The following PI4KB variants were observed in gnomAD, a reference collection of about 807,000 sequenced individuals.
PI4KB encodes phosphatidylinositol 4-kinase beta.
PI4KB carries 23 observed loss-of-function variants against 81.4 expected under a neutral mutation model. The ratio of observed to expected loss-of-function variants is 0.28; its 90% CI spans 0.20 to 0.40. PI4KB has a LOEUF of 0.40. Among genes scored for constraint, PI4KB ranks in the 10% least tolerant of loss-of-function variants. The pLI, the probability that PI4KB is intolerant of heterozygous loss-of-function variation, is 1.00. For missense variants in PI4KB, 651 were observed against 1,036.6 expected (o/e 0.63, Z 5.11); for synonymous variants, 381 against 406.8 (o/e 0.94, Z 0.76).
chr1:151,315,042 G>T (rs958596130), intron 2 of PI4KB, among the ~76,000 whole-genome samples: 2 of 152,088 alleles, frequency 1.3e-5, no homozygotes, highest in African/African-American at 4.8e-5. Flanking sequence ...GCAGTGGCGC[G>T]ATCTCTGGTC....
chr1:151,317,057 C>T (rs895185083), intron 1 of PI4KB, among the ~76,000 whole-genome samples: 1 of 152,104 alleles, frequency 6.6e-6, no homozygotes, highest in Non-Finnish European at 1.5e-5. Context: ...CATCTCCCAA[C>T]CTCATGATCC....
chr1:151,293,383 C>G, intron 11 of PI4KB: 1 of 1,311,274 alleles, frequency 7.6e-7, no homozygotes, highest in Non-Finnish European at 1.0e-6. Flanking sequence ...TCTGCCTATG[C>G]TACGTCTGAC....
At chr1:151,305,077 G>A (rs587740077) in intron 5 of PI4KB, among the ~76,000 whole-genome samples, 1 of 151,408 alleles carries the variant, frequency 6.6e-6, no homozygotes, top group South Asian at 2.1e-4. Context: ...TGATCTGCTC[G>A]CCCTGTCCTC....
chr1:151,325,634 G>A (rs542043616), intron 1 of PI4KB, among the ~76,000 whole-genome samples: 1 of 152,292 alleles, frequency 6.6e-6, no homozygotes, highest in Admixed American at 6.5e-5. Flanking sequence ...AAAAAGCAAA[G>A]CAGATGAAGG....
chr1:151,295,810 AGCCC>A (rs1314845101), intron 9 of PI4KB, among the ~76,000 whole-genome samples: 1 of 152,218 alleles, frequency 6.6e-6, no homozygotes, highest in Non-Finnish European at 1.5e-5. Context: ...CCTAAAGGAA[AGCCC>A]TGGGGCCTGA....
chr1:151,323,710 C>T (rs756154091), intron 1 of PI4KB, among the ~76,000 whole-genome samples: 17 of 152,118 alleles, frequency 1.1e-4, no homozygotes, highest in South Asian at 4.2e-4. Flanking sequence ...GGCGACAGAA[C>T]GAGACTCCAT....
At chr1:151,295,578 G>C (rs929411280) in intron 9 of PI4KB, among the ~76,000 whole-genome samples, 1 of 152,220 alleles carries the variant, frequency 6.6e-6, no homozygotes, top group African/African-American at 2.4e-5. Flanking sequence ...CAGCTGGAAA[G>C]CTGCTTAGGA....
At chr1:151,322,379 A>G (rs919899852) in intron 1 of PI4KB, among the ~76,000 whole-genome samples, 6 of 152,190 alleles carry the variant, frequency 3.9e-5, no homozygotes, top group Admixed American at 3.3e-4. Flanking sequence ...AGGAGATGCT[A>G]TCGCTTAACC....
intron 1 of PI4KB, among the ~76,000 whole-genome samples, chr1:151,326,873 A>T (rs919080381): frequency 6.6e-6 from 1 of 152,212 alleles, no homozygotes. Context: ...AGTGCAAACT[A>T]GGAAAAGAGA....
At chr1:151,326,679 G>A (rs1472659511) in intron 1 of PI4KB, among the ~76,000 whole-genome samples, 1 of 152,186 alleles carries the variant, frequency 6.6e-6, no homozygotes, top group African/African-American at 2.4e-5. Flanking sequence ...TTGGATTGAT[G>A]ACAAGGGCCC....
intron 6 of PI4KB, among the ~76,000 whole-genome samples, chr1:151,303,155 C>A (rs587619666): frequency 4.0e-5 from 6 of 151,730 alleles, no homozygotes; most frequent in African/African-American, 1.5e-4. Context: ...TCCGCCACCA[C>A]GCCTGGCTAA....
At chr1:151,324,271 T>A (rs1333639440) in intron 1 of PI4KB, among the ~76,000 whole-genome samples, 1 of 152,148 alleles carries the variant, frequency 6.6e-6, no homozygotes, top group African/African-American at 2.4e-5. Flanking sequence ...CAAAAATAAT[T>A]TTTAAAGAGA....
upstream of PI4KB, chr1:151,327,658 A>G: frequency 2.8e-6 from 1 of 352,158 alleles, no homozygotes; most frequent in Non-Finnish European, 5.0e-6. Flanking sequence ...ATAGTAATCT[A>G]AGGAGTCGGG....
At chr1:151,303,322 G>T in intron 6 of PI4KB, 1 of 498,232 alleles carries the variant, frequency 2.0e-6, no homozygotes, top group Non-Finnish European at 3.7e-6. Flanking sequence ...CATCCCTTTG[G>T]AGTCTTTTTA....
At chr1:151,302,142 T>A (rs937188759) in intron 7 of PI4KB, 52 bp downstream of exon 7, 176 of 1,542,254 alleles carry the variant, frequency 1.1e-4, no homozygotes, top group Non-Finnish European at 1.5e-4. Context: ...AGTGAGCACT[T>A]ACAACTGCCT....
At chr1:151,307,301 G>T (rs1186782581) in intron 4 of PI4KB, among the ~76,000 whole-genome samples, 1 of 152,172 alleles carries the variant, frequency 6.6e-6, no homozygotes, top group Non-Finnish European at 1.5e-5. Context: ...ACCATAAGGT[G>T]GGGTGAAGAG....
chr1:151,322,516 C>T (rs1371636079), intron 1 of PI4KB, among the ~76,000 whole-genome samples: 1 of 152,164 alleles, frequency 6.6e-6, no homozygotes, highest in Non-Finnish European at 1.5e-5. Flanking sequence ...TCAATCCCCT[C>T]ACCCAGTTAA....
At chr1:151,299,677 G>GA (rs1156703044) in intron 8 of PI4KB, among the ~76,000 whole-genome samples, 1 of 151,882 alleles carries the variant, frequency 6.6e-6, no homozygotes, top group Non-Finnish European at 1.5e-5. Flanking sequence ...GCGACAGAGC[G>GA]AGACTCTCTC....
At chr1:151,309,779 T>C (rs1178238382) in intron 3 of PI4KB, among the ~76,000 whole-genome samples, 3 of 152,180 alleles carry the variant, frequency 2.0e-5, no homozygotes, top group South Asian at 2.1e-4. Context: ...GCCTAGCATT[T>C]AGAAGATTAT....
Sources: allele counts gnomAD v4.1 joint callset (sites outside exome capture counted in the v4.1 genomes callset), GRCh38; gene constraint gnomAD v4.1.1; transcripts MANE v1.5; gene names NCBI Gene and HGNC (gene_info 2026-07-23, HGNC 2026-07-21).